DYM: variants seen among roughly 807,000 people sequenced by gnomAD.
The protein encoded by DYM is dyggve-Melchior-Clausen syndrome protein.
DYM carries 78 observed loss-of-function variants against 93.1 expected under a neutral mutation model. That is an observed-to-expected ratio of 0.84 (90% CI 0.70 to 1.01). The LOEUF is 1.01. Ranked by LOEUF, DYM falls within the 50% of genes least tolerant of loss-of-function variation. DYM has a pLI of 0.00. For synonymous variants in DYM, 321 were observed against 319.7 expected, an observed-to-expected ratio of 1.00 and a Z score of -0.04; for missense variants, 789 against 845.0, an observed-to-expected ratio of 0.93 and a Z score of 0.82.
chr18:49,294,894 G>C (rs1009588691), intron 8 of DYM, among the ~76,000 whole-genome samples: 1 of 152,106 alleles, frequency 6.6e-6, no homozygotes, highest in African/African-American at 2.4e-5. Flanking sequence ...CATATACCAT[G>C]AAAGAATTAA....
At chr18:49,359,650 A>G (rs1258022989) in intron 6 of DYM, 1 of 152,220 alleles carries the variant, frequency 6.6e-6, no homozygotes, top group Non-Finnish European at 1.5e-5. Context: ...CTTTGCTCTC[A>G]ATATTAACAG....
intron 2 of DYM, among the ~76,000 whole-genome samples, chr18:49,400,930 AC>A: frequency 6.6e-6 from 1 of 152,334 alleles, no homozygotes; most frequent in South Asian, 2.1e-4. Context: ...GCAGCAGGCA[AC>A]TAACAAACCA....
chr18:49,236,487 A>T (rs532598405), intron 13 of DYM, among the ~76,000 whole-genome samples: 3,925 of 149,202 alleles, frequency 0.026, 165 homozygotes, highest in African/African-American at 0.08. Flanking sequence ...CTCAAAAAAA[A>T]AAATAAATAA....
At chr18:49,444,719 A>G (rs922904959) in intron 1 of DYM, among the ~76,000 whole-genome samples, 5 of 152,198 alleles carry the variant, frequency 3.3e-5, no homozygotes, top group Admixed American at 1.3e-4. Context: ...CTAATCCTCA[A>G]TTGGAAGTGA....
chr18:49,043,918 G>A lies in DYM; in HGVS notation c.*137C>T, dbSNP rs2071124963. ...ACCAATTCTCCAAATCAAAGTGTGT[G>A]AGGAAAACACACTCGTGCAATCCTC... On this transcript the variant is annotated 3_prime_UTR_variant, in exon 18 of 18. Transcript: ENST00000675505. The A allele has an allele frequency of 9.5e-7, 1 of 1,050,630 alleles. No individual in the cohort carries two copies. Among genetic ancestry groups the A allele is most frequent in the African/African-American group, 1.6e-5 (1 of 62,870 alleles). 65.1% of individuals were successfully genotyped at this position (1,050,630 alleles called of 1,614,324 possible). A position where few individuals can be genotyped will look rare whatever the true frequency, so the allele number is the denominator to read the frequency against.
intron 10 of DYM, among the ~76,000 whole-genome samples, chr18:49,274,684 A>C (rs1457994931): frequency 6.6e-6 from 1 of 152,130 alleles, no homozygotes; most frequent in Non-Finnish European, 1.5e-5. Flanking sequence ...AGTGGGAGTA[A>C]AGTGGTATTT....
At chr18:49,141,662 G>C (rs2084513677) in intron 15 of DYM, among the ~76,000 whole-genome samples, 2 of 152,078 alleles carry the variant, frequency 1.3e-5, no homozygotes. Flanking sequence ...TGAATCCTAA[G>C]CCTCTAAATC....
chr18:49,111,690 G>T (rs904012996), intron 16 of DYM, among the ~76,000 whole-genome samples: 1 of 152,152 alleles, frequency 6.6e-6, no homozygotes, highest in African/African-American at 2.4e-5. Flanking sequence ...TCTGCTTTCA[G>T]TGAGTTCTGC....
At chr18:49,144,420 G>T (rs572155846) in intron 15 of DYM, among the ~76,000 whole-genome samples, 4 of 152,058 alleles carry the variant, frequency 2.6e-5, no homozygotes, top group African/African-American at 9.7e-5. Context: ...CTCAATGCTC[G>T]AATCTACTAA....
At chr18:49,073,852 G>T (rs968480904) in intron 17 of DYM, among the ~76,000 whole-genome samples, 5 of 152,098 alleles carry the variant, frequency 3.3e-5, no homozygotes, top group Non-Finnish European at 7.4e-5. Context: ...TTCAATTTTG[G>T]ATTCTTGGTG....
Position 49,391,870 on chromosome 18 carries a change from T to A in DYM, c.141-225A>T, listed in dbSNP as rs141717103. Among the ~76,000 whole-genome samples, 1,018 of 152,252 alleles carry A rather than the reference T, an allele frequency of 6.7e-3. 8 individuals carry two copies. Among genetic ancestry groups the A allele is most frequent in the Non-Finnish European group, 8.9e-3 (604 of 68,024 alleles). On this transcript the variant is annotated intron_variant, in intron 2 of 17. Transcript: ENST00000675505. Reference sequence around the variant, plus strand: ...TATGAGACTCCTAAAGAGAAGAGCTTGGGGCACCCTGCCTTTCAGGCATTA... The same window carrying A: ...TATGAGACTCCTAAAGAGAAGAGCTAGGGGCACCCTGCCTTTCAGGCATTA...
At chr18:49,213,348 G>A (rs925670110) in intron 13 of DYM, among the ~76,000 whole-genome samples, 11 of 149,804 alleles carry the variant, frequency 7.3e-5, no homozygotes, top group African/African-American at 2.7e-4. Context: ...CTAGACTGGA[G>A]TGCAATGGCA....
At chr18:49,423,380 G>A (rs1359652822) in intron 2 of DYM, among the ~76,000 whole-genome samples, 1 of 152,136 alleles carries the variant, frequency 6.6e-6, no homozygotes, top group Non-Finnish European at 1.5e-5. Flanking sequence ...GAATCTCTGG[G>A]ACACATTTAA....
chr18:49,221,142 A>G (rs926590529), intron 13 of DYM, among the ~76,000 whole-genome samples: 48 of 152,220 alleles, frequency 3.2e-4, no homozygotes, highest in South Asian at 6.2e-4. Flanking sequence ...GCAGCCAAAA[A>G]ACACATGAAA....
Position 49,081,848 on chromosome 18 carries a change from T to C in DYM, c.2025+15554A>G, listed in dbSNP as rs576355495. Among the ~76,000 whole-genome samples, 4 of 152,358 alleles carry C rather than the reference T, an allele frequency of 2.6e-5. No homozygotes were observed. In the East Asian group the frequency reaches 7.7e-4, roughly 29 times the overall value. ...ACATGTGCCCCACCTCTGCTCTGTG[T>C]GCAGTGTGATGCTGTCACTGCAGTC... On this transcript the variant is annotated intron_variant, in intron 17 of 17. Coordinates refer to ENST00000675505, the MANE Select transcript of DYM (RefSeq NM_001353214.3).
At chr18:49,443,011 C>G (rs1367853265) in intron 1 of DYM, among the ~76,000 whole-genome samples, 4 of 152,074 alleles carry the variant, frequency 2.6e-5, no homozygotes, top group African/African-American at 9.7e-5. Flanking sequence ...GCATGCACCA[C>G]CATGCCTGGC....
intron 15 of DYM, among the ~76,000 whole-genome samples, chr18:49,135,761 AGC>A (rs1343577550): frequency 6.6e-6 from 1 of 152,224 alleles, no homozygotes; most frequent in Non-Finnish European, 1.5e-5. Context: ...AAATGCTCTA[AGC>A]TGTGAATCTG....
chr18:49,244,943 C>T (rs1007833781), intron 13 of DYM, among the ~76,000 whole-genome samples: 5 of 152,108 alleles, frequency 3.3e-5, no homozygotes, highest in East Asian at 1.9e-4. Flanking sequence ...ATCAGGGACC[C>T]GGAACAGAGG....
At chr18:49,128,932 AT>A (rs1374303585) in intron 15 of DYM, among the ~76,000 whole-genome samples, 3 of 152,100 alleles carry the variant, frequency 2.0e-5, no homozygotes, top group African/African-American at 7.2e-5. Context: ...AATATATGCT[AT>A]TTATCTTTGA....
Sources: gnomAD v4.1 joint callset for allele counts (sites outside exome capture counted in the v4.1 genomes callset) on GRCh38, gnomAD v4.1.1 for gene constraint, MANE v1.5 for transcripts, NCBI Gene and HGNC (gene_info 2026-07-23, HGNC 2026-07-21) for gene names.